Variants in WDFY3 observed in about 807,000 individuals in gnomAD.
WDFY3 encodes WD repeat and FYVE domain-containing protein 3.
In WDFY3, 66 loss-of-function variants were observed where a neutral mutation model predicts 409.6. That is an observed-to-expected ratio of 0.16 (90% CI 0.13 to 0.20). The LOEUF is 0.20. Among genes scored for constraint, WDFY3 ranks in the 10% least tolerant of loss-of-function variants. The pLI is 1.00. For synonymous variants in WDFY3, 1,521 were observed against 1,537.1 expected (o/e 0.99, Z 0.25); for missense variants, 3,031 against 4,298.1 (o/e 0.71, Z 8.24).
chr4:84,742,703 C>A (rs144547654), intron 37 of WDFY3, among the ~76,000 whole-genome samples: 16 of 152,260 alleles, frequency 1.1e-4, no homozygotes, highest in East Asian at 5.8e-4. Context: ...TGCAAGGGAT[C>A]CAGGGTTGCA....
intron 33 of WDFY3, among the ~76,000 whole-genome samples, chr4:84,755,609 T>C (rs1355518564): frequency 1.3e-5 from 2 of 152,216 alleles, no homozygotes; most frequent in African/African-American, 4.8e-5. Context: ...CTGTGTATCA[T>C]TCTGCATTCT....
intron 58 of WDFY3, among the ~76,000 whole-genome samples, chr4:84,695,765 T>C (rs1371963134): frequency 6.6e-6 from 1 of 152,190 alleles, no homozygotes; most frequent in African/African-American, 2.4e-5. Context: ...TAAGGGATAA[T>C]TCTCTTTAAA....
intron 1 of WDFY3, among the ~76,000 whole-genome samples, chr4:84,936,524 T>C (rs1024996577): frequency 1.3e-5 from 2 of 151,838 alleles, no homozygotes; most frequent in Non-Finnish European, 1.5e-5. Flanking sequence ...CTGTCTCTTT[T>C]AAAAAAAATT....
intron 53 of WDFY3, among the ~76,000 whole-genome samples, chr4:84,707,295 G>A (rs1293670385): frequency 6.6e-6 from 1 of 152,048 alleles, no homozygotes; most frequent in Non-Finnish European, 1.5e-5. Context: ...AGTGTAGAGG[G>A]CACACTGAAG....
At chr4:84,807,042 T>C (rs1374761617) in intron 15 of WDFY3, among the ~76,000 whole-genome samples, 1 of 152,196 alleles carries the variant, frequency 6.6e-6, no homozygotes. Context: ...ATAATCACCA[T>C]ATTTTTAAAT....
intron 46 of WDFY3, 125 bp downstream of exon 46, chr4:84,724,301 G>C (rs1259164908): frequency 1.8e-6 from 2 of 1,100,180 alleles, no homozygotes; most frequent in African/African-American, 1.6e-5. Context: ...GGGTGAGATG[G>C]TAAAATGTGT....
rs1381266894 is a variant in WDFY3, at chr4:84,669,926, C to CA, written c.*2941dup. The CA allele has an allele frequency of 6.6e-6, 1 of 152,446 alleles. No homozygotes were observed. The highest frequency in any genetic ancestry group is 6.6e-5 in the Admixed American group (1 of 15,252). 9.4% of individuals were successfully genotyped at this position (152,446 alleles called of 1,614,324 possible). ...GTCAGCTGTGTTAAGAGTCATGCAACAAGTAACCAAACTTGCTGAAATTAA... is the reference window on the plus strand; with the variant it reads ...GTCAGCTGTGTTAAGAGTCATGCAACAAAGTAACCAAACTTGCTGAAATTAA... On this transcript the variant is annotated 3_prime_UTR_variant, in exon 68 of 68. Coordinates refer to ENST00000295888, the MANE Select transcript of WDFY3 (RefSeq NM_014991.6).
At chr4:84,834,824 G>GT (rs1578739207) in intron 7 of WDFY3, among the ~76,000 whole-genome samples, 1 of 152,180 alleles carries the variant, frequency 6.6e-6, no homozygotes, top group East Asian at 1.9e-4. Context: ...GAAACCGTCT[G>GT]TCACATAATA....
At chr4:84,913,013 C>G (rs887368066) in intron 2 of WDFY3, among the ~76,000 whole-genome samples, 1 of 152,128 alleles carries the variant, frequency 6.6e-6, no homozygotes, top group East Asian at 1.9e-4. Context: ...GATACTTTGT[C>G]GCTGAAGTTA....
At chr4:84,703,170 C>T (rs1731354024) in intron 55 of WDFY3, among the ~76,000 whole-genome samples, 1 of 151,624 alleles carries the variant, frequency 6.6e-6, no homozygotes, top group African/African-American at 2.4e-5. Flanking sequence ...AGAAAAGATT[C>T]TAATGTAAAT....
intron 1 of WDFY3, among the ~76,000 whole-genome samples, chr4:84,953,618 C>A (rs1312856410): frequency 6.6e-6 from 1 of 151,810 alleles, no homozygotes; most frequent in Non-Finnish European, 1.5e-5. Flanking sequence ...TTTATGATGA[C>A]CTAGTTGTAA....
At chr4:84,789,406 C>T (rs1333473743) in intron 22 of WDFY3, among the ~76,000 whole-genome samples, 2 of 152,044 alleles carry the variant, frequency 1.3e-5, no homozygotes, top group Non-Finnish European at 2.9e-5. Context: ...GTGTGTTCAC[C>T]GTTATTTATG....
chr4:84,837,027 A>T lies in WDFY3; in HGVS notation c.478T>A (p.Phe160Ile). The change falls in exon 7 of 68, where the codon TTT becomes ATT. Residue 160 changes from phenylalanine to isoleucine, a missense_variant. By Grantham distance (21) the Phe-to-Ile change is conservative. Transcript: ENST00000295888. ...PSTLVKCLYL[F>I]FDLPHVPEAV... The stretch of plus-strand genomic sequence containing the variant: ...TCAGGCACATGTGGAAGGTCAAAAA[A>T]CAGATATAAACATTTAACCAGGGTG... 6.3e-7 allele frequency: 1 copy of T among 1,598,388 alleles called. No homozygotes were observed. Among genetic ancestry groups the T allele is most frequent in the Non-Finnish European group, 8.5e-7 (1 of 1,172,664 alleles).
intron 42 of WDFY3, 94 bp downstream of exon 42, chr4:84,736,076 C>T: frequency 2.9e-6 from 4 of 1,359,024 alleles, no homozygotes; most frequent in Non-Finnish European, 2.9e-6. Flanking sequence ...AGCAAAAATA[C>T]AGAAAAGTTT....
rs915178876 is a variant in WDFY3, at chr4:84,688,248, A to G, written c.9381T>C (p.Thr3127=). 4 of 1,613,920 alleles carry G rather than the reference A, an allele frequency of 2.5e-6. No homozygotes were observed. The African/African-American group carries it at 5.3e-5, about 22-fold the overall frequency. The change falls in exon 62 of 68, where the codon ACT becomes ACC. Residue 3127 remains threonine, a synonymous_variant. Transcript: ENST00000295888. ...VTLKQALLGH[T]DTVTCATASL... Reference sequence around the variant, plus strand: ...ATGCTGTGGCGCAGGTGACGGTATCAGTGTGGCCCAGTAAGGCCTACGAAT... The same window carrying G: ...ATGCTGTGGCGCAGGTGACGGTATCGGTGTGGCCCAGTAAGGCCTACGAAT...
chr4:84,836,286 T>C (rs1199549016), intron 7 of WDFY3, among the ~76,000 whole-genome samples: 1 of 152,232 alleles, frequency 6.6e-6, no homozygotes, highest in Non-Finnish European at 1.5e-5. Flanking sequence ...TGTTGTTTTT[T>C]TAATACTGTA....
rs1484648172 is a variant in WDFY3 at position 84,737,213 on chromosome 4, G to C, written c.6728C>G (p.Ala2243Gly). ...ATGATTCTGCCAGCACTTCAGGGCA[G>C]CTTCTTCAATGAGTGGCCTTGCTGT... ...IATARPLIEE[A>G]ALKCWQNHLA... The change falls in exon 41 of 68, where the codon GCT becomes GGT. Residue 2243 changes from alanine (A) to glycine (G), a missense_variant. Transcript: ENST00000295888. 6.2e-7 allele frequency: 1 copy of C among 1,614,128 alleles called. No homozygotes were observed.
At chr4:84,855,518 C>T (rs1004257964) in intron 4 of WDFY3, among the ~76,000 whole-genome samples, 1 of 152,110 alleles carries the variant, frequency 6.6e-6, no homozygotes, top group South Asian at 2.1e-4. Flanking sequence ...TAATGGCATT[C>T]ATAAAGGCTC....
intron 3 of WDFY3, among the ~76,000 whole-genome samples, chr4:84,885,330 ATGTG>A (rs70943380): frequency 0.021 from 3,096 of 145,626 alleles, 95 homozygotes; most frequent in African/African-American, 0.067. Flanking sequence ...ACATATACAT[ATGTG>A]TGTGTGTGTG....
Sources: gnomAD v4.1 joint callset for allele counts (sites outside exome capture counted in the v4.1 genomes callset) on GRCh38, gnomAD v4.1.1 for gene constraint, MANE v1.5 for transcripts, NCBI Gene and HGNC (gene_info 2026-07-23, HGNC 2026-07-21) for gene names.